CATSPER2: variants seen among roughly 807,000 people sequenced by gnomAD.
CATSPER2 encodes cation channel sperm associated 2.
In CATSPER2, 56 loss-of-function variants were observed where a neutral mutation model predicts 68.8. The ratio of observed to expected loss-of-function variants is 0.81; its 90% confidence interval spans 0.66 to 1.02. The LOEUF (loss-of-function observed/expected upper bound fraction) is 1.02. CATSPER2 is among the 50% of genes least tolerant of loss of function. CATSPER2 has a pLI of 0.00. For synonymous variants in CATSPER2, 198 were observed against 229.9 expected, an observed-to-expected ratio of 0.86 and a Z score of 1.26; for missense variants, 582 against 642.0, an observed-to-expected ratio of 0.91 and a Z score of 1.01.
At position 43,635,558 on chromosome 15, in the gene CATSPER2, A is replaced by T. The variant is rs113703719; in HGVS notation, c.1122-142T>A. On this transcript the variant is annotated intron_variant, in intron 9 of 12. Coordinates refer to ENST00000396879, the MANE Select transcript of CATSPER2 (RefSeq NM_172095.4). ...TCAAGGGGTGAAAAAAATGGAGGACACCCCACAGTGGATGAAGAATCAGGC... is the reference window on the plus strand; with the variant it reads ...TCAAGGGGTGAAAAAAATGGAGGACTCCCCACAGTGGATGAAGAATCAGGC... 3.0e-4 allele frequency: 327 copies of T among 1,090,266 alleles called. 1 individual carries two copies. The highest frequency in any genetic ancestry group is 3.8e-4 in the Non-Finnish European group (273 of 717,458). The allele number at this position is 1,090,266 out of a possible 1,614,324, so 67.5% of individuals were successfully genotyped here. A position where few individuals can be genotyped will look rare whatever the true frequency, so the allele number is the denominator to read the frequency against.
In CATSPER2 at chr15:43,648,721, G is replaced by A. The variant is rs916062968; in HGVS notation, c.-95C>T. ...GAGCCTGGCTACCCCTATGCAAGAC[G>A]AGCTCAGGGCCGGCTCCCAGCCTCA... On this transcript the variant is annotated 5_prime_UTR_variant, in exon 1 of 13. Transcript: ENST00000396879. 28 of 1,499,302 alleles carry A rather than the reference G, an allele frequency of 1.9e-5. 1 individual carries two copies. The African/African-American group carries it at 2.7e-4, about 14-fold the overall frequency. 92.9% of individuals were successfully genotyped at this position (1,499,302 alleles called of 1,614,324 possible).
At chr15:43,640,738 G>T (rs1336428788) in intron 4 of CATSPER2, among the ~76,000 whole-genome samples, 1 of 151,594 alleles carries the variant, frequency 6.6e-6, no homozygotes, top group Non-Finnish European at 1.5e-5. Context: ...TGTCTGCCCA[G>T]CTACAAGTCA....
chr15:43,641,936 G>A lies in CATSPER2; in HGVS notation c.389-1440C>T, dbSNP rs757746562. ...TGGCCTCAAACTGCTGGGCTAAAGC[G>A]ATCCGCCCGCCTTGGTCTCCCAAAG... On this transcript the variant is annotated intron_variant, in intron 4 of 12. Transcript: ENST00000396879. 1.3e-4 allele frequency among the ~76,000 whole-genome samples: 20 copies of A among 151,824 alleles called. 1 individual carries two copies. Among genetic ancestry groups the A allele is most frequent in the Non-Finnish European group, 2.6e-4 (18 of 67,958 alleles).
At chr15:43,635,652 C>T (rs1423268456) in intron 9 of CATSPER2, 75 bp downstream of exon 9, 9 of 1,393,082 alleles carry the variant, frequency 6.5e-6, no homozygotes, top group African/African-American at 1.4e-5. Flanking sequence ...AAAGTGGGGT[C>T]GAGAAGTAGA....
intron 12 of CATSPER2, among the ~76,000 whole-genome samples, chr15:43,631,234 GT>G (rs1430456388): frequency 6.6e-6 from 1 of 151,932 alleles, no homozygotes; most frequent in Non-Finnish European, 1.5e-5. Flanking sequence ...TAAATCTTCT[GT>G]TTTTGGTTTG....
intron 4 of CATSPER2, among the ~76,000 whole-genome samples, chr15:43,644,120 TA>T (rs1261433000): frequency 6.6e-6 from 1 of 152,060 alleles, no homozygotes; most frequent in Admixed American, 6.5e-5. Context: ...AATTGGTGTT[TA>T]AAATGCAAAA....
At position 43,630,610 on chromosome 15, in the gene CATSPER2, A is replaced by G. The variant is rs1273480670; in HGVS notation, c.*91T>C. 12 of 1,607,740 alleles carry G rather than the reference A, an allele frequency of 7.5e-6. No individual in the cohort carries two copies. Among genetic ancestry groups the G allele is most frequent in the Non-Finnish European group, 1.0e-5 (12 of 1,177,160 alleles). ...AATTTTAATGAACAGACATTGTTCT[A>G]TCTGAATGTTTATATTTTCAATTCT... On this transcript the variant is annotated 3_prime_UTR_variant, in exon 13 of 13. Transcript: ENST00000396879.
upstream of CATSPER2, chr15:43,648,863 C>G (rs1253352909): frequency 6.6e-7 from 1 of 1,515,252 alleles, no homozygotes; most frequent in Admixed American, 2.0e-5. Flanking sequence ...AGCCACTCGC[C>G]GCCTAGGCCC....
At position 43,630,228 on chromosome 15, in the gene CATSPER2, C is replaced by T. The variant is rs1595967874; in HGVS notation, c.*473G>A. On this transcript the variant is annotated 3_prime_UTR_variant, in exon 13 of 13. Coordinates refer to ENST00000396879, the MANE Select transcript of CATSPER2 (RefSeq NM_172095.4). ...CCTCGAACTCCCTGCCTCAAACAAT[C>T]CTGCCTCAGCCCATAGCTGGGACTA... The T allele has an allele frequency of 4.9e-6, 1 of 202,026 alleles. No individual in the cohort carries two copies. The highest frequency in any genetic ancestry group is 1.0e-5 in the Non-Finnish European group (1 of 97,734). 12.5% of individuals were successfully genotyped at this position (202,026 alleles called of 1,614,324 possible). A position where few individuals can be genotyped will look rare whatever the true frequency, so the allele number is the denominator to read the frequency against.
rs779455316 is a variant in CATSPER2 at position 43,635,346 on chromosome 15, T to A, written c.1178+14A>T. 3 of 1,604,440 alleles carry A rather than the reference T, an allele frequency of 1.9e-6. No individual in the cohort carries two copies. The highest frequency in any genetic ancestry group is 2.6e-6 in the Non-Finnish European group (3 of 1,173,506). ...TCATGTGTTTCTATCCCAGTTCACATACATACTCCTAACCTGTCCTCTATT... is the reference window on the plus strand; with the variant it reads ...TCATGTGTTTCTATCCCAGTTCACAAACATACTCCTAACCTGTCCTCTATT... On this transcript the variant is annotated intron_variant, in intron 10 of 12. Transcript: ENST00000396879.
chr15:43,648,190 A>G, intron 1 of CATSPER2, 127 bp from the exon 2 acceptor site: 1 of 1,106,468 alleles, frequency 9.0e-7, no homozygotes, highest in Non-Finnish European at 1.4e-6. Context: ...CACATCTACG[A>G]ACTAGGAGCA....
rs549639698 is a variant in CATSPER2, at chr15:43,647,058, A to G, written c.380T>C (p.Val127Ala). The G allele has an allele frequency of 1.2e-6, 2 of 1,612,018 alleles. No individual in the cohort carries two copies. Among genetic ancestry groups the G allele is most frequent in the African/African-American group, 2.7e-5 (2 of 74,920 alleles). ...LVFLNTIILM[V>A]EIELLESTNT... ...ACAAGGTCAGTTCTCACCTATTTCA[A>G]CCATCAATATGATCGTATTCAAAAA... is the stretch of plus-strand genomic sequence containing the variant. The change falls in exon 4 of 13, where the codon GTT becomes GCT. Residue 127 changes from valine (V) to alanine (A), a missense_variant. Val to Ala is a moderately conservative substitution (Grantham distance 64). This residue lies in a region of CATSPER2 where 197 missense variants were observed against 191.0 expected (regional missense o/e 1.03). Transcript: ENST00000396879.
chr15:43,647,427 G>A lies in CATSPER2; in HGVS notation c.186C>T (p.His62=). The A allele has an allele frequency of 6.2e-7, 1 of 1,613,604 alleles. No homozygotes were observed. Among genetic ancestry groups the A allele is most frequent in the South Asian group, 1.1e-5 (1 of 91,040 alleles). The part of the protein sequence containing the change: ...RQKKLVLGDQ[H]QLVRFSIKPQ... ...GCTTTATAGAGAAACGCACTAGCTG[G>A]TGTTGATCTCCCAATACAAGTTTCT... The change falls in exon 3 of 13, where the codon CAC becomes CAT. Residue 62 remains histidine, a synonymous_variant. Coordinates refer to ENST00000396879, the MANE Select transcript of CATSPER2 (RefSeq NM_172095.4).
At chr15:43,644,368 G>C (rs932840557) in intron 4 of CATSPER2, among the ~76,000 whole-genome samples, 1 of 151,950 alleles carries the variant, frequency 6.6e-6, no homozygotes, top group African/African-American at 2.4e-5. Flanking sequence ...AGCTTGCCAG[G>C]TAATTTCTAG....
intron 4 of CATSPER2, among the ~76,000 whole-genome samples, chr15:43,645,340 A>G (rs577718590): frequency 6.6e-5 from 10 of 151,888 alleles, no homozygotes; most frequent in Non-Finnish European, 1.3e-4. Context: ...ACAGGCATGA[A>G]CCACCATGCC....
intron 12 of CATSPER2, 128 bp from the exon 13 acceptor site, chr15:43,630,860 C>T: frequency 2.5e-6 from 4 of 1,577,870 alleles, no homozygotes; most frequent in Non-Finnish European, 3.5e-6. Context: ...TAAATTAAGC[C>T]ATATGATTCT....
At chr15:43,647,822 C>T (rs2086198400) in intron 2 of CATSPER2, 95 bp downstream of exon 2, 3 of 1,371,700 alleles carry the variant, frequency 2.2e-6, no homozygotes, top group Admixed American at 3.4e-5. Context: ...TTTGGTAAAC[C>T]AGCAACTAAA....
intron 10 of CATSPER2, chr15:43,633,779 A>G (rs879458595): frequency 6.6e-6 from 1 of 151,520 alleles, no homozygotes; most frequent in African/African-American, 2.4e-5. Context: ...CCTCGTCTCT[A>G]CTAAAATACA....
intron 12 of CATSPER2, 25 bp downstream of exon 12, chr15:43,632,174 C>A: frequency 6.2e-7 from 1 of 1,609,182 alleles, no homozygotes; most frequent in Non-Finnish European, 8.5e-7. Context: ...TTCCCATGGT[C>A]CCCATGACTG....
Sources: gnomAD v4.1 joint callset for allele counts (sites outside exome capture counted in the v4.1 genomes callset) on GRCh38, gnomAD v4.1.1 for gene constraint, gnomAD v4.1.1 regional missense constraint, MANE v1.5 for transcripts, NCBI Gene and HGNC (gene_info 2026-07-23, HGNC 2026-07-21) for gene names.